Variants in SPHKAP observed in about 807,000 individuals in gnomAD.
The protein encoded by SPHKAP is A-kinase anchor protein SPHKAP.
In SPHKAP, 67 loss-of-function variants were observed where a neutral mutation model predicts 137.5. The observed-to-expected ratio is 0.49, with a 90% CI of 0.40 to 0.60. The LOEUF (loss-of-function observed/expected upper bound fraction) is 0.60, where lower values mean the gene tolerates loss of function less well. Among genes scored for constraint, SPHKAP ranks in the 20% least tolerant of loss-of-function variants. The pLI, the probability that SPHKAP is intolerant of heterozygous loss-of-function variation, is 0.00. For synonymous variants in SPHKAP, 813 were observed against 785.3 expected (o/e 1.04, Z -0.59); for missense variants, 2,097 against 2,069.3 (o/e 1.01, Z -0.26).
chr2:228,121,530 T>C (rs534841680), intron 2 of SPHKAP, among the ~76,000 whole-genome samples: 1 of 151,928 alleles, frequency 6.6e-6, no homozygotes, highest in Admixed American at 6.6e-5. Context: ...TAAAATAAAA[T>C]AAAAAAGAGA....
chr2:228,025,265 C>T, intron 5 of SPHKAP, 129 bp downstream of exon 5: 1 of 1,033,904 alleles, frequency 9.7e-7, no homozygotes, highest in Non-Finnish European at 1.3e-6. Context: ...AGACTTTTCT[C>T]AAATATAAAG....
At chr2:228,080,846 A>C (rs944316462) in intron 3 of SPHKAP, among the ~76,000 whole-genome samples, 3 of 152,182 alleles carry the variant, frequency 2.0e-5, no homozygotes, top group African/African-American at 7.2e-5. Flanking sequence ...AAAAAGACAA[A>C]AGATAGCAAG....
chr2:228,162,682 A>G (rs1160390090), intron 1 of SPHKAP, among the ~76,000 whole-genome samples: 3 of 152,086 alleles, frequency 2.0e-5, no homozygotes, highest in Non-Finnish European at 4.4e-5. Flanking sequence ...GAGAGGAAAC[A>G]AAGCCCTTCT....
At position 228,017,974 on chromosome 2, in the gene SPHKAP, A is replaced by G; in HGVS notation, c.2880T>C (p.Cys960=). ...GAAACTCACTCCCTCTTTTCCATGC[A>G]CAAAACCAGGGTTGTTTTCCACTGG... ...DNSSGKQPWF[C]AWKRGSEFLM... is the part of the protein sequence containing the mutation. The change falls in exon 7 of 12, where the codon TGT becomes TGC. Residue 960 remains cysteine, a synonymous_variant. Coordinates refer to ENST00000392056, the MANE Select transcript of SPHKAP (RefSeq NM_001142644.2). 6.2e-7 allele frequency: 1 copy of G among 1,614,116 alleles called. No individual in the cohort carries two copies. Among genetic ancestry groups the G allele is most frequent in the South Asian group, 1.1e-5 (1 of 91,076 alleles).
At chr2:228,106,143 T>A (rs1401794216) in intron 3 of SPHKAP, among the ~76,000 whole-genome samples, 1 of 152,174 alleles carries the variant, frequency 6.6e-6, no homozygotes, top group Non-Finnish European at 1.5e-5. Context: ...GGTACTGAAA[T>A]ATGCACACAA....
At chr2:227,996,852 CCT>C (rs1425955952) in intron 7 of SPHKAP, among the ~76,000 whole-genome samples, 1 of 152,140 alleles carries the variant, frequency 6.6e-6, no homozygotes, top group Admixed American at 6.5e-5. Flanking sequence ...ATGGCAAAAC[CCT>C]CAATTACTGT....
At chr2:227,987,356 A>G (rs1693250387) in intron 11 of SPHKAP, among the ~76,000 whole-genome samples, 1 of 152,166 alleles carries the variant, frequency 6.6e-6, no homozygotes, top group Non-Finnish European at 1.5e-5. Flanking sequence ...GTTGCTATTT[A>G]CAATCTGAGC....
intron 1 of SPHKAP, among the ~76,000 whole-genome samples, chr2:228,176,524 T>A (rs1327419451): frequency 6.6e-6 from 1 of 152,336 alleles, no homozygotes; most frequent in Admixed American, 6.5e-5. Context: ...GTCAGGTAAC[T>A]TGCCCAGACA....
chr2:228,079,724 C>T (rs1382135390), intron 3 of SPHKAP, among the ~76,000 whole-genome samples: 1 of 152,208 alleles, frequency 6.6e-6, no homozygotes, highest in Non-Finnish European at 1.5e-5. Flanking sequence ...TGAATATAGG[C>T]TGCAGGCCCA....
In SPHKAP at chr2:228,016,365, C is replaced by T. The variant is rs760051211; in HGVS notation, c.4448+41G>A. On this transcript the variant is annotated intron_variant, in intron 7 of 11. Coordinates refer to ENST00000392056, the MANE Select transcript of SPHKAP (RefSeq NM_001142644.2). Reference sequence around the variant, plus strand: ...TAAACACTGATTAAGACGCAAACTCCAGTCACATGCACCCTATGTAGTCTG... The same window carrying T: ...TAAACACTGATTAAGACGCAAACTCTAGTCACATGCACCCTATGTAGTCTG... 1.9e-5 allele frequency: 28 copies of T among 1,511,876 alleles called. No individual in the cohort carries two copies. In the Admixed American group the frequency reaches 5.8e-4, roughly 31 times the overall value. The allele number at this position is 1,511,876 out of a possible 1,614,324, so 93.7% of individuals were successfully genotyped here. A position where few individuals can be genotyped will look rare whatever the true frequency, so the allele number is the denominator to read the frequency against.
At chr2:228,077,365 C>A (rs1325218682) in intron 3 of SPHKAP, among the ~76,000 whole-genome samples, 2 of 152,166 alleles carry the variant, frequency 1.3e-5, no homozygotes, top group Non-Finnish European at 2.9e-5. Flanking sequence ...ACACTCAATG[C>A]CAGCCCATGA....
chr2:228,165,748 A>T (rs1183439977), intron 1 of SPHKAP, among the ~76,000 whole-genome samples: 1 of 152,250 alleles, frequency 6.6e-6, no homozygotes, highest in Non-Finnish European at 1.5e-5. Context: ...CAATTACAAG[A>T]TTGTGTAAGA....
At chr2:228,040,768 A>G (rs1695806295) in intron 3 of SPHKAP, among the ~76,000 whole-genome samples, 1 of 152,228 alleles carries the variant, frequency 6.6e-6, no homozygotes, top group Non-Finnish European at 1.5e-5. Flanking sequence ...TATGCACTCA[A>G]GATAATTGTC....
In SPHKAP at chr2:228,019,808, A is replaced by G. The variant is rs1404495034; in HGVS notation, c.1046T>C (p.Met349Thr). The change falls in exon 7 of 12, where the codon ATG (methionine) becomes ACG (threonine). Residue 349 changes from methionine (M) to threonine (T), a missense_variant. Met to Thr is a moderately conservative substitution (Grantham distance 81, BLOSUM62 -1). Transcript: ENST00000392056. ...ACATGCAGAAGGTACATCTTTATCC[A>G]TCATGGAGAAATAAGCATCTTTTGG... is the stretch of plus-strand genomic sequence containing the variant. ...YIPKDAYFSM[M>T]DKDVPSACAV... 2 of 1,614,140 alleles carry G rather than the reference A, an allele frequency of 1.2e-6. No homozygotes were observed. The highest frequency in any genetic ancestry group is 1.3e-5 in the African/African-American group (1 of 75,054).
At position 228,104,025 on chromosome 2, in the gene SPHKAP, G is replaced by A. The variant is rs72975908; in HGVS notation, c.246+4807C>T. Among the ~76,000 whole-genome samples, 346 of 151,874 alleles carry A rather than the reference G, an allele frequency of 2.3e-3. 1 individual carries two copies. Among genetic ancestry groups the A allele is most frequent in the Non-Finnish European group, 4.3e-3 (295 of 67,968 alleles). The stretch of plus-strand genomic sequence containing the variant: ...ACGTGGAAAAATGTTAAAATTTGAG[G>A]AGTCTGGGGATCCTCTGCACTCATT... On this transcript the variant is annotated intron_variant, in intron 3 of 11. Transcript: ENST00000392056.
intron 1 of SPHKAP, among the ~76,000 whole-genome samples, chr2:228,146,008 T>C (rs1362806391): frequency 6.6e-6 from 1 of 152,178 alleles, no homozygotes; most frequent in Admixed American, 6.5e-5. Context: ...CCCAGACATA[T>C]TTTTCATCTT....
intron 3 of SPHKAP, among the ~76,000 whole-genome samples, chr2:228,101,361 AT>A (rs1553540576): frequency 6.6e-6 from 1 of 152,164 alleles, no homozygotes; most frequent in South Asian, 2.1e-4. Flanking sequence ...TACTTTTTAT[AT>A]ACAGTTACAT....
chr2:228,049,144 G>T (rs905476759), intron 3 of SPHKAP, among the ~76,000 whole-genome samples: 1 of 152,024 alleles, frequency 6.6e-6, no homozygotes, highest in Non-Finnish European at 1.5e-5. Context: ...CAGGATTTTT[G>T]GAAGGGTTTA....
At position 228,139,936 on chromosome 2, in the gene SPHKAP, T is replaced by TTC. The variant is rs375291121; in HGVS notation, c.33-7852_33-7851insGA. ...TTTCTTTCTTTCTTTCTTTCTTTCT[T>TTC]TTTCTTTTCTTTTTTCTTTTTCTTT... On this transcript the variant is annotated intron_variant, in intron 1 of 11. Transcript: ENST00000392056. Among the ~76,000 whole-genome samples, 172 of 137,412 alleles carry TTC rather than the reference T, an allele frequency of 1.3e-3. No homozygotes were observed. In the East Asian group the frequency reaches 0.013, roughly 11 times the overall value. 90.1% of individuals were successfully genotyped at this position (137,412 alleles called of 152,430 possible).
Sources: gnomAD v4.1 joint callset for allele counts (sites outside exome capture counted in the v4.1 genomes callset) on GRCh38, gnomAD v4.1.1 for gene constraint, MANE v1.5 for transcripts, NCBI Gene and HGNC (gene_info 2026-07-23, HGNC 2026-07-21) for gene names.